Variants in OR51A7 observed in about 807,000 individuals in gnomAD.
OR51A7 encodes olfactory receptor 51A7.
For missense variants in OR51A7, 409 were observed against 374.5 expected (o/e 1.09, Z -0.76); for synonymous variants, 143 against 135.5 (o/e 1.05, Z -0.38).
intron 1 of OR51A7, 53 bp from the exon 2 acceptor site, chr11:4,907,286 C>A: frequency 3.3e-6 from 3 of 914,786 alleles, no homozygotes; most frequent in Non-Finnish European, 5.0e-6. Context: ...CTTATCCTCA[C>A]AAAACTGAGT....
At chr11:4,907,205 C>T (rs915611244) in intron 1 of OR51A7, 134 bp from the exon 2 acceptor site, 9 of 528,694 alleles carry the variant, frequency 1.7e-5, no homozygotes, top group Middle Eastern at 9.9e-4. Flanking sequence ...TTAAGGACTT[C>T]TGGTAAATTT....
chr11:4,907,104 A>AAAAAAAAAAAAAC, intron 1 of OR51A7, among the ~76,000 whole-genome samples: 1 of 150,540 alleles, frequency 6.6e-6, no homozygotes, highest in Non-Finnish European at 1.5e-5. Flanking sequence ...CTAAAAAAAA[A>AAAAAAAAAAAAAC]AAAAAAAAAA....
chr11:4,907,327 A>G lies in OR51A7; in HGVS notation c.-31-12A>G. The stretch of plus-strand genomic sequence containing the variant: ...CCAAAAGCATGACTGCTTTTCATTT[A>G]TATGGTTTCAGATCCGGCTAACGAG... On this transcript the variant is annotated splice_polypyrimidine_tract_variant and intron_variant, in intron 1 of 1. Transcript: ENST00000641490. 3 of 1,348,726 alleles carry G rather than the reference A, an allele frequency of 2.2e-6. No homozygotes were observed. Among genetic ancestry groups the G allele is most frequent in the Non-Finnish European group, 2.1e-6 (2 of 956,944 alleles). The allele number at this position is 1,348,726 out of a possible 1,614,324, so 83.5% of individuals were successfully genotyped here.
intron 1 of OR51A7, among the ~76,000 whole-genome samples, chr11:4,905,078 A>G (rs187038867): frequency 1.3e-3 from 203 of 152,288 alleles, no homozygotes; most frequent in African/African-American, 4.7e-3. Context: ...AGACGAAAAT[A>G]AAAAGGAATA....
At position 4,907,279 on chromosome 11, in the gene OR51A7, A is replaced by G; in HGVS notation, c.-31-60A>G. 4 of 802,792 alleles carry G rather than the reference A, an allele frequency of 5.0e-6. No homozygotes were observed. The East Asian group carries it at 1.0e-4, about 21-fold the overall frequency. 49.7% of individuals were successfully genotyped at this position (802,792 alleles called of 1,614,324 possible). On this transcript the variant is annotated intron_variant, in intron 1 of 1. Transcript: ENST00000641490. The stretch of plus-strand genomic sequence containing the variant: ...AGTATAGTATACGAATGAACCCCTT[A>G]TCCTCACAAAACTGAGTTTTAACCA...
At position 4,908,309 on chromosome 11, in the gene OR51A7, G is replaced by T. The variant is rs2133567149; in HGVS notation, c.*1G>T. 6.2e-7 allele frequency: 1 copy of T among 1,611,996 alleles called. No individual in the cohort carries two copies. Among genetic ancestry groups the T allele is most frequent in the East Asian group, 2.2e-5 (1 of 44,842 alleles). On this transcript the variant is annotated 3_prime_UTR_variant, in exon 2 of 2. Transcript: ENST00000641490. ...GTTGCTTAATGTATGTGGGAGATAAGAACTTGAACAATTAGGTAATAAATT... is the reference window on the plus strand; with the variant it reads ...GTTGCTTAATGTATGTGGGAGATAATAACTTGAACAATTAGGTAATAAATT...
chr11:4,904,608 C>T (rs1441297904), intron 1 of OR51A7, among the ~76,000 whole-genome samples: 2 of 152,100 alleles, frequency 1.3e-5, no homozygotes, highest in Admixed American at 1.3e-4. Context: ...TACCACCTAT[C>T]ATGTCAGTAC....
At position 4,908,256 on chromosome 11, in the gene OR51A7, G is replaced by C. The variant is rs148854854; in HGVS notation, c.887G>C (p.Arg296Pro). ...MNPIVYCVKTRQIWEKILGKL... is the reference protein window; with the variant it reads ...MNPIVYCVKTPQIWEKILGKL... ...CCCATTGTGTACTGTGTAAAGACTC[G>C]ACAAATCTGGGAGAAGATCTTGGGG... is the stretch of plus-strand genomic sequence containing the variant. The change falls in exon 2 of 2, where the codon CGA becomes CCA. Residue 296 changes from arginine (R) to proline (P), a missense_variant. Coordinates refer to ENST00000641490, the MANE Select transcript of OR51A7 (RefSeq NM_001004749.2). The C allele has an allele frequency of 6.2e-7, 1 of 1,614,086 alleles. No homozygotes were observed. Among genetic ancestry groups the C allele is most frequent in the South Asian group, 1.1e-5 (1 of 91,062 alleles).
intron 1 of OR51A7, 145 bp downstream of exon 1, chr11:4,903,989 C>T (rs1311316506): frequency 6.6e-6 from 1 of 151,910 alleles, no homozygotes; most frequent in Non-Finnish European, 1.5e-5. Context: ...TTTCTAATGC[C>T]CTAATATCAG....
At position 4,908,376 on chromosome 11, in the gene OR51A7, T is replaced by C. The variant is rs1260391182; in HGVS notation, c.*68T>C. On this transcript the variant is annotated 3_prime_UTR_variant, in exon 2 of 2. Coordinates refer to ENST00000641490, the MANE Select transcript of OR51A7 (RefSeq NM_001004749.2). ...TTACTGTCATTTGCTATGTGCTTAA[T>C]GCCATAGAAGTCACTAATGAAGGAC... 7.6e-7 allele frequency: 1 copy of C among 1,323,480 alleles called. No individual in the cohort carries two copies. Among genetic ancestry groups the C allele is most frequent in the Admixed American group, 1.7e-5 (1 of 58,184 alleles). The allele number at this position is 1,323,480 out of a possible 1,614,324, so 82.0% of individuals were successfully genotyped here.
chr11:4,906,917 C>T (rs1564804192), intron 1 of OR51A7, among the ~76,000 whole-genome samples: 1 of 151,618 alleles, frequency 6.6e-6, no homozygotes, highest in Non-Finnish European at 1.5e-5. Flanking sequence ...TGGTGAAAAC[C>T]CATCTCTACT....
At chr11:4,904,974 G>C (rs1218459856) in intron 1 of OR51A7, among the ~76,000 whole-genome samples, 1 of 152,096 alleles carries the variant, frequency 6.6e-6, no homozygotes, top group Non-Finnish European at 1.5e-5. Flanking sequence ...TTACATGAAA[G>C]TAGTACGTTA....
In OR51A7 at chr11:4,904,281, G is replaced by A. The variant is rs552315848; in HGVS notation, c.-32+437G>A. Among the ~76,000 whole-genome samples, 5 of 152,132 alleles carry A rather than the reference G, an allele frequency of 3.3e-5. No individual in the cohort carries two copies. The South Asian group carries it at 8.3e-4, about 25-fold the overall frequency. ...AGCAGCTTTCCCAGATTCACACAGG[G>A]TAAATTGCCATGCTGAGATTTAAAC... On this transcript the variant is annotated intron_variant, in intron 1 of 1. Coordinates refer to ENST00000641490, the MANE Select transcript of OR51A7 (RefSeq NM_001004749.2).
intron 1 of OR51A7, among the ~76,000 whole-genome samples, chr11:4,905,786 T>C (rs966097600): frequency 2.6e-5 from 4 of 152,174 alleles, no homozygotes; most frequent in Non-Finnish European, 4.4e-5. Context: ...CCTGTTTACC[T>C]TGAAGGCCAA....
chr11:4,908,201 A>G lies in OR51A7; in HGVS notation c.832A>G (p.Met278Val). The G allele has an allele frequency of 6.2e-7, 1 of 1,614,158 alleles. No homozygotes were observed. Among genetic ancestry groups the G allele is most frequent in the Non-Finnish European group, 8.5e-7 (1 of 1,180,026 alleles). The change falls in exon 2 of 2, where the codon ATG becomes GTG. Residue 278 changes from methionine (M) to valine (V), a missense_variant. Met to Val is a conservative substitution (Grantham distance 21, BLOSUM62 1). Transcript: ENST00000641490. ...TCTTGTTGTGATCCTTATTGCAGAT[A>G]TGTTCTTGTTGGTGCCGCCCCTTAT... ...SPLVVILIAD[M>V]FLLVPPLMNP...
In OR51A7 at chr11:4,907,648, A is replaced by G. The variant is rs1850919874; in HGVS notation, c.279A>G (p.Ser93=). The change falls in exon 2 of 2, where the codon TCA becomes TCG. Residue 93 remains serine (S), a synonymous_variant. Transcript: ENST00000641490. ...RVFLFNAMGI[S]PNACFAQEFF... The stretch of plus-strand genomic sequence containing the variant: ...TCTTGTTCAATGCCATGGGAATTTC[A>G]CCTAATGCCTGCTTTGCTCAAGAAT... The G allele has an allele frequency of 2.5e-6, 4 of 1,613,886 alleles. No homozygotes were observed. In the East Asian group the frequency reaches 8.9e-5, roughly 36 times the overall value.
At chr11:4,904,950 T>G (rs1850860753) in intron 1 of OR51A7, among the ~76,000 whole-genome samples, 11 of 152,032 alleles carry the variant, frequency 7.2e-5, no homozygotes, top group Admixed American at 7.2e-4. Flanking sequence ...GTAATGGAGT[T>G]TGGTAGGGTA....
Position 4,908,294 on chromosome 11 carries a change from G to GCT in OR51A7, c.925_926insCT (p.Val309AlafsTer11). On this transcript the variant is annotated frameshift_variant, in exon 2 of 2. Coordinates refer to ENST00000641490, the MANE Select transcript of OR51A7 (RefSeq NM_001004749.2). LOFTEE classifies it high-confidence loss of function. ...GAAGATCTTGGGGAAGTTGCTTAAT[G>GCT]TATGTGGGAGATAAGAACTTGAACA... is the stretch of plus-strand genomic sequence containing the variant. The GCT allele has an allele frequency of 6.2e-7, 1 of 1,613,762 alleles. No homozygotes were observed. The highest frequency in any genetic ancestry group is 8.5e-7 in the Non-Finnish European group (1 of 1,179,730).
At position 4,907,676 on chromosome 11, in the gene OR51A7, T is replaced by A. The variant is rs893620479; in HGVS notation, c.307T>A (p.Phe103Ile). 1 of 1,614,140 alleles carries A rather than the reference T, an allele frequency of 6.2e-7. No individual in the cohort carries two copies. Among genetic ancestry groups the A allele is most frequent in the South Asian group, 1.1e-5 (1 of 91,082 alleles). The change falls in exon 2 of 2, where the codon TTC becomes ATC. Residue 103 changes from phenylalanine to isoleucine, a missense_variant. Transcript: ENST00000641490. Reference sequence around the variant, plus strand: ...TAATGCCTGCTTTGCTCAAGAATTCTTCATTCATGGATTCACTGTCATGGA... The same window carrying A: ...TAATGCCTGCTTTGCTCAAGAATTCATCATTCATGGATTCACTGTCATGGA... ...SPNACFAQEF[F>I]IHGFTVMESS... is the part of the protein sequence containing the mutation.
Sources: allele counts gnomAD v4.1 joint callset (sites outside exome capture counted in the v4.1 genomes callset), GRCh38; gene constraint gnomAD v4.1.1; transcripts MANE v1.5; gene names NCBI Gene and HGNC (gene_info 2026-07-23, HGNC 2026-07-21).